The following RTL4 variants were observed in gnomAD, a reference collection of about 807,000 sequenced individuals.
RTL4 encodes retrotransposon Gag like 4.
A neutral mutation model predicts 5.3 loss-of-function variants in RTL4; 4 were observed. That is an observed-to-expected ratio of 0.75 (90% CI 0.37 to 1.72). The LOEUF (loss-of-function observed/expected upper bound fraction) is 1.72. Ranked by LOEUF, RTL4 falls within the 40% of genes most tolerant of loss-of-function variation. RTL4 has a pLI of 0.04. For missense variants in RTL4, 260 were observed against 227.1 expected, an observed-to-expected ratio of 1.14 and a Z score of -0.93; for synonymous variants, 98 against 87.3, an observed-to-expected ratio of 1.12 and a Z score of -0.68.
the RTL4 span, among the ~76,000 whole-genome samples, chrX:112,420,891 A>G: frequency 1.8e-5 from 2 of 112,031 alleles, no homozygotes; most frequent in Admixed American, 9.5e-5. Context: ...GCTTATGCTC[A>G]TCTTTCTGCC....
At chrX:112,381,012 G>T in the RTL4 span, among the ~76,000 whole-genome samples, 1 of 111,162 alleles carries the variant, frequency 9.0e-6, no homozygotes, top group Non-Finnish European at 1.9e-5. Context: ...GGGTTTATTC[G>T]GTAGCCGAGG....
At chrX:112,360,840 G>A in the RTL4 span, among the ~76,000 whole-genome samples, 1 of 110,909 alleles carries the variant, frequency 9.0e-6, no homozygotes, top group East Asian at 2.8e-4. Flanking sequence ...GTCACAATGA[G>A]TCATTTAAGA....
At chrX:112,362,177 C>T in the RTL4 span, among the ~76,000 whole-genome samples, 1 of 112,009 alleles carries the variant, frequency 8.9e-6, no homozygotes, top group African/African-American at 3.2e-5. Context: ...TGGGTCTTGC[C>T]GTGCACAAGC....
chrX:112,110,269 G>T, the RTL4 span, among the ~76,000 whole-genome samples: 3 of 112,320 alleles, frequency 2.7e-5, no homozygotes, highest in African/African-American at 9.7e-5. Flanking sequence ...CTAGGCCTTG[G>T]TGGTTTTGGA....
chrX:112,339,781 G>A, the RTL4 span, among the ~76,000 whole-genome samples: 1 of 112,788 alleles, frequency 8.9e-6, no homozygotes, highest in Non-Finnish European at 1.9e-5. Flanking sequence ...CAGAATCAAT[G>A]AGAAGAGACA....
At chrX:112,247,569 C>T in the RTL4 span, among the ~76,000 whole-genome samples, 1 of 112,079 alleles carries the variant, frequency 8.9e-6, no homozygotes, top group Non-Finnish European at 1.9e-5. Context: ...CTCTTCAAGA[C>T]AATACTTTAA....
chrX:112,373,881 A>ATGTTTTGT, the RTL4 span, among the ~76,000 whole-genome samples: 100 of 110,485 alleles, frequency 9.1e-4, no homozygotes, highest in African/African-American at 3.2e-3. Flanking sequence ...ATTATATGGT[A>ATGTTTTGT]TGTTTTGTTT....
the RTL4 span, among the ~76,000 whole-genome samples, chrX:112,281,346 T>C: frequency 1.8e-5 from 2 of 112,258 alleles, no homozygotes; most frequent in African/African-American, 6.5e-5. Flanking sequence ...CTGAATAGTA[T>C]TTCAATGTGT....
the RTL4 span, among the ~76,000 whole-genome samples, chrX:112,210,781 A>G: frequency 8.9e-6 from 1 of 112,157 alleles, no homozygotes; most frequent in Non-Finnish European, 1.9e-5. Context: ...CAGGCCTTAG[A>G]TTTTTTTAGC....
At chrX:112,385,221 AT>A in the RTL4 span, among the ~76,000 whole-genome samples, 13 of 109,344 alleles carry the variant, frequency 1.2e-4, no homozygotes, top group African/African-American at 2.7e-4. Flanking sequence ...CTGGTCTATA[AT>A]TTTTTTTTCT....
chrX:112,256,861 A>G, the RTL4 span, among the ~76,000 whole-genome samples: 3 of 111,739 alleles, frequency 2.7e-5, no homozygotes, highest in African/African-American at 9.7e-5. Context: ...TTGCACATTA[A>G]TTGTATATCC....
chrX:112,132,665 C>A, the RTL4 span, among the ~76,000 whole-genome samples: 1 of 112,120 alleles, frequency 8.9e-6, no homozygotes, highest in African/African-American at 3.2e-5. Flanking sequence ...GAGCACCAAC[C>A]CTAGCACCCT....
chrX:112,297,647 A>G, the RTL4 span, among the ~76,000 whole-genome samples: 972 of 111,354 alleles, frequency 8.7e-3, 11 homozygotes, highest in African/African-American at 0.03. Context: ...AAGCCAAACC[A>G]TATCAAATGA....
At chrX:112,155,379 G>C in the RTL4 span, among the ~76,000 whole-genome samples, 7 of 111,348 alleles carry the variant, frequency 6.3e-5, no homozygotes, top group African/African-American at 2.3e-4. Context: ...GCCACTGATT[G>C]TTTTCAATAC....
chrX:112,142,989 C>T, the RTL4 span, among the ~76,000 whole-genome samples: 8 of 110,563 alleles, frequency 7.2e-5, no homozygotes, highest in Admixed American at 9.7e-5. Flanking sequence ...CCACTACACT[C>T]GGCAAATTTT....
the RTL4 span, among the ~76,000 whole-genome samples, chrX:112,085,448 C>G: frequency 8.9e-6 from 1 of 112,235 alleles, no homozygotes; most frequent in Non-Finnish European, 1.9e-5. Flanking sequence ...AATGTAACAT[C>G]GTAGGTGAAG....
At chrX:112,235,966 G>T in the RTL4 span, among the ~76,000 whole-genome samples, 2 of 111,491 alleles carry the variant, frequency 1.8e-5, no homozygotes, top group Non-Finnish European at 3.8e-5. Flanking sequence ...TACTCATGTG[G>T]ACTCATGTAT....
chrX:112,128,937 G>A, the RTL4 span, among the ~76,000 whole-genome samples: 1 of 111,366 alleles, frequency 9.0e-6, no homozygotes, highest in Admixed American at 9.6e-5. Flanking sequence ...TAAATCATAT[G>A]TCTGATAAGG....
chrX:112,407,584 C>A, the RTL4 span, among the ~76,000 whole-genome samples: 22 of 112,575 alleles, frequency 2.0e-4, no homozygotes, highest in African/African-American at 7.1e-4. Context: ...CACTCATCAC[C>A]CTGAAGGCAA....
Sources: allele counts gnomAD v4.1 joint callset (sites outside exome capture counted in the v4.1 genomes callset), GRCh38; gene constraint gnomAD v4.1.1; transcripts MANE v1.5; gene names NCBI Gene and HGNC (gene_info 2026-07-23, HGNC 2026-07-21).